The following MAP3K3 variants were observed in gnomAD, a reference collection of about 807,000 sequenced individuals.
The protein encoded by MAP3K3 is mitogen-activated protein kinase kinase kinase 3, also known as MAP/ERK kinase kinase 3.
Under a neutral mutation model 80.9 loss-of-function variants are expected in MAP3K3, and 12 were observed. The observed-to-expected ratio is 0.15, with a 90% confidence interval of 0.10 to 0.24. The LOEUF (loss-of-function observed/expected upper bound fraction) is 0.24. Ranked by LOEUF, MAP3K3 falls within the 10% of genes least tolerant of loss-of-function variation. The probability of loss-of-function intolerance (pLI) is 1.00; values close to 1 mark genes in which losing one functional copy is unlikely to be tolerated. For synonymous variants in MAP3K3, 272 were observed against 307.1 expected, an observed-to-expected ratio of 0.89 and a Z score of 1.19; for missense variants, 596 against 834.7, an observed-to-expected ratio of 0.71 and a Z score of 3.52.
At chr17:63,651,494 C>A (rs920440260) in intron 3 of MAP3K3, among the ~76,000 whole-genome samples, 2 of 152,034 alleles carry the variant, frequency 1.3e-5, no homozygotes, top group Admixed American at 6.6e-5. Context: ...AACAAAAAAA[C>A]CCCACAACTT....
chr17:63,631,169 C>G (rs1353355367), intron 1 of MAP3K3, among the ~76,000 whole-genome samples: 1 of 152,108 alleles, frequency 6.6e-6, no homozygotes, highest in Non-Finnish European at 1.5e-5. Flanking sequence ...CACCTGTAGT[C>G]CCAGCTACTC....
At chr17:63,685,711 TCTC>T (rs2035434095) in intron 8 of MAP3K3, 121 bp downstream of exon 8, 4 of 762,956 alleles carry the variant, frequency 5.2e-6, no homozygotes, top group South Asian at 3.0e-5. Flanking sequence ...GGAAAAGCCT[TCTC>T]CTTAATTTCC....
At chr17:63,688,616 T>G in intron 9 of MAP3K3, 22 bp downstream of exon 9, 1 of 1,611,558 alleles carries the variant, frequency 6.2e-7, no homozygotes, top group Non-Finnish European at 8.5e-7. Flanking sequence ...AGAGCCTGGG[T>G]GGGTAATGCA....
chr17:63,644,612 T>G (rs746218636), intron 2 of MAP3K3, among the ~76,000 whole-genome samples: 1 of 152,204 alleles, frequency 6.6e-6, no homozygotes, highest in Non-Finnish European at 1.5e-5. Context: ...AAGCAAAAGC[T>G]CTTTGGGGTC....
intron 6 of MAP3K3, among the ~76,000 whole-genome samples, chr17:63,672,155 C>A (rs890526472): frequency 6.6e-6 from 1 of 151,734 alleles, no homozygotes; most frequent in African/African-American, 2.4e-5. Context: ...TGGTGGCATG[C>A]GCCTGTAATC....
intron 1 of MAP3K3, among the ~76,000 whole-genome samples, chr17:63,629,224 G>A (rs193140850): frequency 2.0e-5 from 3 of 152,072 alleles, no homozygotes; most frequent in African/African-American, 7.2e-5. Context: ...CTGTGTTCAG[G>A]CAATTCTCCT....
At chr17:63,653,620 G>A (rs1276236502) in intron 4 of MAP3K3, among the ~76,000 whole-genome samples, 2 of 151,962 alleles carry the variant, frequency 1.3e-5, no homozygotes, top group African/African-American at 4.8e-5. Flanking sequence ...TAATGATCAG[G>A]AGTTGACTAA....
At chr17:63,657,192 A>T (rs2034788614) in intron 4 of MAP3K3, among the ~76,000 whole-genome samples, 1 of 151,880 alleles carries the variant, frequency 6.6e-6, no homozygotes, top group Admixed American at 6.6e-5. Flanking sequence ...ACATGATCCT[A>T]CTTAATTTGG....
At chr17:63,632,596 C>T in intron 1 of MAP3K3, 85 bp from the exon 2 acceptor site, 3 of 1,503,204 alleles carry the variant, frequency 2.0e-6, no homozygotes, top group East Asian at 2.3e-5. Context: ...GGCAGAACTC[C>T]CTGAGTATTA....
At chr17:63,648,698 C>T (rs1302110825) in intron 3 of MAP3K3, among the ~76,000 whole-genome samples, 2 of 152,074 alleles carry the variant, frequency 1.3e-5, no homozygotes, top group Non-Finnish European at 2.9e-5. Flanking sequence ...GTCTGTAGTC[C>T]CAGCTACTCG....
At position 63,685,591 on chromosome 17, in the gene MAP3K3, G is replaced by C; in HGVS notation, c.710+1G>C. ...AATCCTTGGACAGGTCAGCAGACAGGTATGGGACTGTGGGTGGTTTGGAGG... is the reference window on the plus strand; with the variant it reads ...AATCCTTGGACAGGTCAGCAGACAGCTATGGGACTGTGGGTGGTTTGGAGG... On this transcript the variant is annotated splice_donor_variant, in intron 8 of 15. Coordinates refer to ENST00000361733, the MANE Select transcript of MAP3K3 (RefSeq NM_002401.5). LOFTEE classifies it high-confidence loss of function. 1 of 1,613,970 alleles carries C rather than the reference G, an allele frequency of 6.2e-7. No individual in the cohort carries two copies. The highest frequency in any genetic ancestry group is 2.2e-5 in the East Asian group (1 of 44,880).
At chr17:63,661,123 T>C (rs1222241882) in intron 5 of MAP3K3, among the ~76,000 whole-genome samples, 2 of 151,880 alleles carry the variant, frequency 1.3e-5, no homozygotes, top group Admixed American at 1.3e-4. Flanking sequence ...CTCAGCTCAT[T>C]GCAACCTCCG....
At chr17:63,643,089 T>A (rs1446303460) in intron 2 of MAP3K3, among the ~76,000 whole-genome samples, 4 of 148,526 alleles carry the variant, frequency 2.7e-5, no homozygotes, top group East Asian at 2.0e-4. Flanking sequence ...AAAAAAAAAA[T>A]TAAACAAAAA....
chr17:63,660,839 G>A (rs939963038), intron 5 of MAP3K3, among the ~76,000 whole-genome samples: 1 of 150,894 alleles, frequency 6.6e-6, no homozygotes, highest in African/African-American at 2.4e-5. Context: ...CAGGTGATCC[G>A]CCTGTCTCGG....
intron 6 of MAP3K3, 139 bp downstream of exon 6, chr17:63,667,199 T>C: frequency 1.1e-6 from 1 of 950,276 alleles, no homozygotes; most frequent in Non-Finnish European, 1.5e-6. Context: ...TATGCCTTTA[T>C]TTTATTTAGA....
At chr17:63,679,439 C>T (rs1344526855) in intron 6 of MAP3K3, among the ~76,000 whole-genome samples, 1 of 152,144 alleles carries the variant, frequency 6.6e-6, no homozygotes, top group Admixed American at 6.5e-5. Flanking sequence ...GGTGCACTAC[C>T]TCTACTTCCA....
At chr17:63,666,912 G>T in intron 5 of MAP3K3, 28 bp from the exon 6 acceptor site, 1 of 1,611,834 alleles carries the variant, frequency 6.2e-7, no homozygotes, top group Non-Finnish European at 8.5e-7. Flanking sequence ...TAAAGATGTA[G>T]CTTGGCCTTT....
intron 5 of MAP3K3, among the ~76,000 whole-genome samples, chr17:63,658,318 G>A (rs2034813949): frequency 6.6e-6 from 1 of 152,140 alleles, no homozygotes; most frequent in African/African-American, 2.4e-5. Flanking sequence ...ACAACACCTT[G>A]CCTTTCCCTT....
intron 4 of MAP3K3, among the ~76,000 whole-genome samples, chr17:63,656,440 T>TA (rs570222627): frequency 0.029 from 3,881 of 135,682 alleles, 168 homozygotes; most frequent in African/African-American, 0.096. Flanking sequence ...CAGTCTCTAC[T>TA]AAAAAAAAAA....
Sources: gnomAD v4.1 joint callset for allele counts (sites outside exome capture counted in the v4.1 genomes callset) on GRCh38, gnomAD v4.1.1 for gene constraint, MANE v1.5 for transcripts, NCBI Gene and HGNC (gene_info 2026-07-23, HGNC 2026-07-21) for gene names.